Variants in MAGI3 observed in about 807,000 individuals in gnomAD.
The protein encoded by MAGI3 is membrane-associated guanylate kinase, WW and PDZ domain-containing protein 3.
In MAGI3, 43 loss-of-function variants were observed where a neutral mutation model predicts 121.8. The ratio of observed to expected loss-of-function variants is 0.35; its 90% CI spans 0.28 to 0.46. The LOEUF (loss-of-function observed/expected upper bound fraction) is 0.46. MAGI3 is among the 20% of genes least tolerant of loss of function. MAGI3 has a pLI of 1.00. For synonymous variants in MAGI3, 553 were observed against 639.3 expected, an observed-to-expected ratio of 0.86 and a Z score of 2.04; for missense variants, 1,547 against 1,797.3, an observed-to-expected ratio of 0.86 and a Z score of 2.52.
intron 1 of MAGI3, among the ~76,000 whole-genome samples, chr1:113,434,861 T>G (rs1653485563): frequency 6.6e-6 from 1 of 152,266 alleles, no homozygotes; most frequent in Non-Finnish European, 1.5e-5. Context: ...ATACTGCTTT[T>G]TAGCAAGTTT....
chr1:113,562,642 A>G (rs960286778), intron 2 of MAGI3, among the ~76,000 whole-genome samples: 26 of 151,666 alleles, frequency 1.7e-4, no homozygotes, highest in African/African-American at 6.1e-4. Context: ...TGATGAGAAC[A>G]CATGGACACA....
Position 113,634,264 on chromosome 1 carries a change from G to T in MAGI3, c.1361-7647G>T, listed in dbSNP as rs574276538. On this transcript the variant is annotated intron_variant, in intron 9 of 20. Transcript: ENST00000307546. The stretch of plus-strand genomic sequence containing the variant: ...AATTAGATCCCATTTGTCAATTTTG[G>T]CTTTTGTTGCCATTGCTTTTGGTGT... 5.7e-4 allele frequency among the ~76,000 whole-genome samples: 87 copies of T among 151,334 alleles called. 1 individual carries two copies. The East Asian group carries it at 0.014, about 25-fold the overall frequency.
chr1:113,679,464 C>T (rs1041338829), intron 19 of MAGI3, among the ~76,000 whole-genome samples: 2 of 152,124 alleles, frequency 1.3e-5, no homozygotes, highest in Admixed American at 6.5e-5. Context: ...GCATAGTATT[C>T]TATGGTGTGT....
chr1:113,587,794 C>G (rs967204980), intron 4 of MAGI3, among the ~76,000 whole-genome samples: 10 of 152,138 alleles, frequency 6.6e-5, no homozygotes, highest in African/African-American at 2.2e-4. Context: ...TGTTATAGAT[C>G]ATATACTTGC....
chr1:113,646,277 A>C (rs1652832265), intron 11 of MAGI3, among the ~76,000 whole-genome samples: 1 of 152,130 alleles, frequency 6.6e-6, no homozygotes, highest in South Asian at 2.1e-4. Context: ...TATTACTATA[A>C]ACTTTTTTCT....
intron 1 of MAGI3, among the ~76,000 whole-genome samples, chr1:113,481,032 G>T (rs1656088004): frequency 6.6e-6 from 1 of 152,190 alleles, no homozygotes; most frequent in Admixed American, 6.5e-5. Context: ...AAAGCCTACA[G>T]ATTCCTGTTT....
chr1:113,450,924 TG>T (rs761531260), intron 1 of MAGI3, among the ~76,000 whole-genome samples: 1 of 152,204 alleles, frequency 6.6e-6, no homozygotes, highest in Non-Finnish European at 1.5e-5. Context: ...TGTTCAGGAC[TG>T]TCATAGCCAC....
chr1:113,488,472 G>A (rs1656508440), intron 1 of MAGI3, among the ~76,000 whole-genome samples: 1 of 152,022 alleles, frequency 6.6e-6, no homozygotes, highest in Non-Finnish European at 1.5e-5. Flanking sequence ...AGCCTCAGGT[G>A]CCCTGGGGGG....
chr1:113,546,853 T>G (rs1570837499), intron 1 of MAGI3, among the ~76,000 whole-genome samples: 1 of 151,132 alleles, frequency 6.6e-6, no homozygotes, highest in Admixed American at 6.6e-5. Flanking sequence ...GAGGCCGAGG[T>G]GGGCAGATCA....
intron 1 of MAGI3, among the ~76,000 whole-genome samples, chr1:113,462,352 C>T (rs1655077178): frequency 6.6e-6 from 1 of 152,266 alleles, no homozygotes; most frequent in East Asian, 1.9e-4. Context: ...AAATGTGGCA[C>T]CTAAATACCA....
intron 2 of MAGI3, among the ~76,000 whole-genome samples, chr1:113,567,841 G>A (rs1660496035): frequency 6.6e-6 from 1 of 151,970 alleles, no homozygotes; most frequent in Non-Finnish European, 1.5e-5. Context: ...ATTCAACATA[G>A]TACTGGAAAT....
At chr1:113,407,878 CA>C (rs1357752021) in intron 1 of MAGI3, among the ~76,000 whole-genome samples, 3 of 152,108 alleles carry the variant, frequency 2.0e-5, no homozygotes, top group East Asian at 1.9e-4. Context: ...GTCAAAAATG[CA>C]AAAGATGTAG....
chr1:113,587,482 C>T (rs1648446039), intron 4 of MAGI3, among the ~76,000 whole-genome samples: 2 of 152,200 alleles, frequency 1.3e-5, no homozygotes, highest in Admixed American at 1.3e-4. Flanking sequence ...AGGCGTGAGC[C>T]ACCGTGCCCA....
intron 1 of MAGI3, among the ~76,000 whole-genome samples, chr1:113,460,476 C>G (rs918039405): frequency 6.6e-6 from 1 of 152,126 alleles, no homozygotes; most frequent in African/African-American, 2.4e-5. Flanking sequence ...GAGAGGAAGT[C>G]TTCTCTGTTT....
chr1:113,431,280 T>C lies in MAGI3; in HGVS notation c.316+39931T>C, dbSNP rs557827688. On this transcript the variant is annotated intron_variant, in intron 1 of 20. Transcript: ENST00000307546. ...TTACGGTGAGCTATGTTCATGCCAC[T>C]GTGCTACAGCCTGGGTAACAGATAC... 2.0e-5 allele frequency among the ~76,000 whole-genome samples: 3 copies of C among 152,350 alleles called. 1 individual carries two copies. The East Asian group carries it at 5.8e-4, about 29-fold the overall frequency.
intron 3 of MAGI3, 71 bp from the exon 4 acceptor site, chr1:113,585,316 T>C: frequency 1.4e-6 from 2 of 1,408,686 alleles, no homozygotes; most frequent in Non-Finnish European, 2.0e-6. Flanking sequence ...GGCAGAGACA[T>C]ACACTAGGTC....
In MAGI3 at chr1:113,484,360, G is replaced by A. The variant is rs1283000848; in HGVS notation, c.317-65155G>A. Among the ~76,000 whole-genome samples the A allele has an allele frequency of 2.6e-5, 4 of 151,994 alleles. No individual in the cohort carries two copies. In the East Asian group the frequency reaches 7.7e-4, roughly 29 times the overall value. On this transcript the variant is annotated intron_variant, in intron 1 of 20. Coordinates refer to ENST00000307546, the MANE Select transcript of MAGI3 (RefSeq NM_001142782.2). ...TTAGTGCACCCATCACCCAAGCAGT[G>A]TACACTGTACCCAGTGTGTAGTCAT...
chr1:113,583,865 A>C (rs1405548334), intron 3 of MAGI3, among the ~76,000 whole-genome samples: 1 of 152,196 alleles, frequency 6.6e-6, no homozygotes, highest in Non-Finnish European at 1.5e-5. Flanking sequence ...AGGGAGAGAC[A>C]GGATGTCATT....
chr1:113,672,337 G>T (rs1647608059), intron 17 of MAGI3, among the ~76,000 whole-genome samples: 1 of 152,086 alleles, frequency 6.6e-6, no homozygotes, highest in African/African-American at 2.4e-5. Context: ...ACTGCCCTCT[G>T]GTGTAGTTAT....
Sources: allele counts gnomAD v4.1 joint callset (sites outside exome capture counted in the v4.1 genomes callset), GRCh38; gene constraint gnomAD v4.1.1; transcripts MANE v1.5; gene names NCBI Gene and HGNC (gene_info 2026-07-23, HGNC 2026-07-21).